Variants in DLG2 observed in about 807,000 individuals in gnomAD.
DLG2 encodes the protein disks large homolog 2.
Under a neutral mutation model 132.5 loss-of-function variants are expected in DLG2, and 45 were observed. That is an observed-to-expected ratio of 0.34 (90% CI 0.27 to 0.44). DLG2 has a LOEUF of 0.44. DLG2 is among the 20% of genes least tolerant of loss of function. The pLI, the probability that DLG2 is intolerant of heterozygous loss-of-function variation, is 1.00. For missense variants in DLG2, 1,045 were observed against 1,196.9 expected (o/e 0.87, Z 1.87); for synonymous variants, 424 against 419.6 (o/e 1.01, Z -0.13).
chr11:83,482,991 T>C (rs2093244862), intron 22 of DLG2, among the ~76,000 whole-genome samples: 1 of 152,142 alleles, frequency 6.6e-6, no homozygotes, highest in Non-Finnish European at 1.5e-5. Context: ...AGGACCATGT[T>C]GATAATATCA....
intron 11 of DLG2, among the ~76,000 whole-genome samples, chr11:84,052,642 T>C (rs919883936): frequency 2.9e-5 from 4 of 139,164 alleles, no homozygotes; most frequent in Non-Finnish European, 4.5e-5. Flanking sequence ...AAAACCACAA[T>C]GAGATACCAT....
intron 3 of DLG2, among the ~76,000 whole-genome samples, chr11:85,331,893 T>C (rs1372748707): frequency 6.6e-6 from 1 of 152,214 alleles, no homozygotes; most frequent in Non-Finnish European, 1.5e-5. Context: ...TAATTCCATG[T>C]CTTTGCTATT....
intron 19 of DLG2, among the ~76,000 whole-genome samples, chr11:83,584,823 A>C (rs1430812115): frequency 6.6e-6 from 1 of 152,242 alleles, no homozygotes; most frequent in African/African-American, 2.4e-5. Context: ...TCAGTAATTT[A>C]GGCAAACCCT....
At chr11:83,515,420 T>C (rs2095256648) in intron 21 of DLG2, among the ~76,000 whole-genome samples, 1 of 151,990 alleles carries the variant, frequency 6.6e-6, no homozygotes, top group Non-Finnish European at 1.5e-5. Flanking sequence ...TTCTCTCTTT[T>C]CTTATTAGTT....
chr11:84,587,553 A>G (rs1005394646), intron 6 of DLG2, among the ~76,000 whole-genome samples: 4 of 152,166 alleles, frequency 2.6e-5, no homozygotes, highest in African/African-American at 9.7e-5. Context: ...ATGAAATAAT[A>G]TATTTATTCT....
At chr11:84,303,176 TATG>T (rs1398559634) in intron 7 of DLG2, among the ~76,000 whole-genome samples, 2 of 152,096 alleles carry the variant, frequency 1.3e-5, no homozygotes, top group Admixed American at 1.3e-4. Flanking sequence ...TGTAATTAAG[TATG>T]ATAACAGGTA....
intron 3 of DLG2, among the ~76,000 whole-genome samples, chr11:85,382,831 CAAAT>C (rs1324182749): frequency 3.9e-5 from 6 of 152,076 alleles, no homozygotes; most frequent in Non-Finnish European, 4.4e-5. Context: ...ATAAAAATGA[CAAAT>C]AATAAGTTTT....
chr11:84,367,680 G>T (rs976780604), intron 7 of DLG2, among the ~76,000 whole-genome samples: 12 of 152,036 alleles, frequency 7.9e-5, no homozygotes, highest in African/African-American at 2.9e-4. Context: ...AGTGAGTTTG[G>T]CTCTCAGTGT....
At chr11:83,741,057 A>G (rs2092468522) in intron 18 of DLG2, among the ~76,000 whole-genome samples, 1 of 152,210 alleles carries the variant, frequency 6.6e-6, no homozygotes, top group Non-Finnish European at 1.5e-5. Flanking sequence ...AAAACATATG[A>G]TCATCTTAAT....
intron 11 of DLG2, among the ~76,000 whole-genome samples, chr11:84,043,404 T>C (rs1007176281): frequency 6.6e-6 from 1 of 151,680 alleles, no homozygotes; most frequent in South Asian, 2.1e-4. Context: ...TATTTTAGGT[T>C]CTGAGGTACG....
intron 4 of DLG2, among the ~76,000 whole-genome samples, chr11:85,229,635 A>T (rs1439233317): frequency 6.6e-6 from 1 of 152,130 alleles, no homozygotes; most frequent in East Asian, 1.9e-4. Context: ...CAATCCCACT[A>T]GGGGGTATAC....
At chr11:84,164,283 C>T (rs2095612999) in intron 8 of DLG2, among the ~76,000 whole-genome samples, 1 of 152,170 alleles carries the variant, frequency 6.6e-6, no homozygotes, top group African/African-American at 2.4e-5. Flanking sequence ...AACAAATATT[C>T]CTTTCTCATT....
At chr11:84,530,514 A>G (rs1008458716) in intron 7 of DLG2, among the ~76,000 whole-genome samples, 2 of 152,246 alleles carry the variant, frequency 1.3e-5, no homozygotes, top group Non-Finnish European at 2.9e-5. Context: ...GCCAAGAAGC[A>G]TATGAAAAAA....
At chr11:84,279,600 C>G (rs182370847) in intron 7 of DLG2, among the ~76,000 whole-genome samples, 6 of 152,188 alleles carry the variant, frequency 3.9e-5, no homozygotes, top group Non-Finnish European at 1.5e-5. Context: ...AAATGTGGCA[C>G]ATATACACCA....
chr11:83,939,103 G>C (rs60748355), intron 14 of DLG2, among the ~76,000 whole-genome samples: 6 of 152,092 alleles, frequency 3.9e-5, no homozygotes, highest in Admixed American at 1.3e-4. Flanking sequence ...TCATTGCCTC[G>C]GTTGAACTGC....
intron 15 of DLG2, among the ~76,000 whole-genome samples, chr11:83,919,221 C>G (rs2077436094): frequency 6.6e-6 from 1 of 152,148 alleles, no homozygotes; most frequent in Non-Finnish European, 1.5e-5. Context: ...TATTTCACAG[C>G]TGCTTTCCTC....
chr11:85,613,643 G>A (rs1221331263), intron 2 of DLG2, among the ~76,000 whole-genome samples: 1 of 152,148 alleles, frequency 6.6e-6, no homozygotes, highest in Non-Finnish European at 1.5e-5. Flanking sequence ...TCAGCACTTG[G>A]TAAAAACGGA....
At chr11:84,054,394 T>C (rs1008945191) in intron 11 of DLG2, among the ~76,000 whole-genome samples, 2 of 152,034 alleles carry the variant, frequency 1.3e-5, no homozygotes, top group Non-Finnish European at 2.9e-5. Flanking sequence ...TTTGGTTGCT[T>C]GGCAAGCCTA....
intron 7 of DLG2, among the ~76,000 whole-genome samples, chr11:84,477,574 C>T (rs972414691): frequency 6.6e-6 from 1 of 152,012 alleles, no homozygotes; most frequent in African/African-American, 2.4e-5. Flanking sequence ...ATGAGAAAGC[C>T]CTGCAAATAA....
Sources: allele counts gnomAD v4.1 joint callset (sites outside exome capture counted in the v4.1 genomes callset), GRCh38; gene constraint gnomAD v4.1.1; transcripts MANE v1.5; gene names NCBI Gene and HGNC (gene_info 2026-07-23, HGNC 2026-07-21).